Variants in CDYL observed in about 807,000 individuals in gnomAD.
CDYL encodes chromodomain Y like.
A neutral mutation model predicts 47.3 loss-of-function variants in CDYL; 8 were observed. The ratio of observed to expected loss-of-function variants is 0.17; its 90% CI spans 0.10 to 0.31. The LOEUF is 0.31. CDYL is among the 10% of genes least tolerant of loss of function. The probability of loss-of-function intolerance (pLI) is 1.00; values close to 1 mark genes in which losing one functional copy is unlikely to be tolerated. For missense variants in CDYL, 471 were observed against 701.4 expected (o/e 0.67, Z 3.71); for synonymous variants, 266 against 265.0 (o/e 1.00, Z -0.04).
chr6:4,723,763 G>T (rs1200324221), intron 2 of CDYL, among the ~76,000 whole-genome samples: 1 of 152,160 alleles, frequency 6.6e-6, no homozygotes, highest in East Asian at 1.9e-4. Context: ...CATAAGCCTG[G>T]CCCCTGCTCT....
intron 1 of CDYL, among the ~76,000 whole-genome samples, chr6:4,858,934 G>A (rs1437567347): frequency 6.6e-6 from 1 of 152,176 alleles, no homozygotes; most frequent in Non-Finnish European, 1.5e-5. Context: ...TAAACACTGG[G>A]CCAATGTTAC....
intron 4 of CDYL, among the ~76,000 whole-genome samples, chr6:4,942,718 C>G (rs1232248539): frequency 6.6e-6 from 1 of 152,192 alleles, no homozygotes; most frequent in Non-Finnish European, 1.5e-5. Flanking sequence ...GAAAAGCAGC[C>G]TACTTTTCCA....
At chr6:4,721,996 G>A (rs1757378742) in intron 2 of CDYL, among the ~76,000 whole-genome samples, 1 of 151,966 alleles carries the variant, frequency 6.6e-6, no homozygotes, top group East Asian at 1.9e-4. Context: ...CTGACTAGCT[G>A]GGATTATAGG....
intron 1 of CDYL, among the ~76,000 whole-genome samples, chr6:4,709,563 A>C (rs1032589166): frequency 6.6e-6 from 1 of 150,964 alleles, no homozygotes; most frequent in African/African-American, 2.4e-5. Flanking sequence ...CCCTTCCCCC[A>C]CCTCCCCTGC....
At chr6:4,718,188 A>G (rs1304708458) in intron 2 of CDYL, among the ~76,000 whole-genome samples, 1 of 152,130 alleles carries the variant, frequency 6.6e-6, no homozygotes, top group Non-Finnish European at 1.5e-5. Flanking sequence ...CAGATTATGT[A>G]TTATGCCATA....
intron 1 of CDYL, among the ~76,000 whole-genome samples, chr6:4,825,873 C>T (rs1264090173): frequency 2.0e-5 from 3 of 149,188 alleles, no homozygotes; most frequent in Non-Finnish European, 4.4e-5. Flanking sequence ...AAAAGAGAGT[C>T]ACCTGACACA....
chr6:4,848,644 TC>T (rs1760733751), intron 1 of CDYL, among the ~76,000 whole-genome samples: 1 of 152,246 alleles, frequency 6.6e-6, no homozygotes. Context: ...GAGGAATTCT[TC>T]CTAGGGAGTA....
chr6:4,920,153 G>A (rs986486234), intron 2 of CDYL, among the ~76,000 whole-genome samples: 8 of 152,174 alleles, frequency 5.3e-5, no homozygotes, highest in East Asian at 1.9e-4. Context: ...TAGAGTAAAC[G>A]AGAGTGGTGC....
intron 4 of CDYL, among the ~76,000 whole-genome samples, chr6:4,942,000 G>A (rs1172720720): frequency 6.6e-6 from 1 of 152,134 alleles, no homozygotes; most frequent in East Asian, 1.9e-4. Flanking sequence ...TCCATCTTGT[G>A]TCATTGACCC....
At chr6:4,943,375 CGTA>C (rs1215625025) in intron 4 of CDYL, among the ~76,000 whole-genome samples, 168 bp from the exon 5 acceptor site, 4 of 152,150 alleles carry the variant, frequency 2.6e-5, no homozygotes, top group Non-Finnish European at 5.9e-5. Context: ...CTTTACAACA[CGTA>C]GTAAATAAGT....
At chr6:4,887,784 T>G (rs1354366720) in intron 1 of CDYL, among the ~76,000 whole-genome samples, 1 of 152,122 alleles carries the variant, frequency 6.6e-6, no homozygotes, top group African/African-American at 2.4e-5. Flanking sequence ...GGGGAAGCTT[T>G]TAGTCTTTCA....
At chr6:4,749,914 G>A (rs1757961526) in intron 3 of CDYL, among the ~76,000 whole-genome samples, 1 of 152,192 alleles carries the variant, frequency 6.6e-6, no homozygotes, top group African/African-American at 2.4e-5. Context: ...GGTCCAAGTA[G>A]GGGGTTCAGA....
chr6:4,912,131 A>G (rs1464789679), intron 2 of CDYL, among the ~76,000 whole-genome samples: 1 of 152,238 alleles, frequency 6.6e-6, no homozygotes, highest in African/African-American at 2.4e-5. Context: ...ATGAAGGTAC[A>G]TGGCCATAAA....
chr6:4,777,968 C>G (rs1162337852), intron 1 of CDYL, among the ~76,000 whole-genome samples: 1 of 152,194 alleles, frequency 6.6e-6, no homozygotes, highest in Non-Finnish European at 1.5e-5. Flanking sequence ...TATACCTTAG[C>G]TGGTACTGAA....
At chr6:4,922,289 C>T (rs1385778334) in intron 2 of CDYL, among the ~76,000 whole-genome samples, 1 of 152,122 alleles carries the variant, frequency 6.6e-6, no homozygotes, top group Non-Finnish European at 1.5e-5. Context: ...GACCACCTTG[C>T]TCTGAAAAGC....
chr6:4,903,443 T>G (rs1458333023), intron 2 of CDYL, among the ~76,000 whole-genome samples: 2 of 152,246 alleles, frequency 1.3e-5, no homozygotes, highest in African/African-American at 4.8e-5. Flanking sequence ...ATGGTTCATC[T>G]TAAATGTCTT....
intron 2 of CDYL, among the ~76,000 whole-genome samples, chr6:4,913,231 G>A (rs534462016): frequency 2.0e-4 from 30 of 152,138 alleles, no homozygotes; most frequent in Middle Eastern, 3.4e-3. Flanking sequence ...CTTGAATGAG[G>A]GTAATTTTAT....
At chr6:4,922,666 C>A (rs147951347) in intron 2 of CDYL, among the ~76,000 whole-genome samples, 1 of 152,214 alleles carries the variant, frequency 6.6e-6, no homozygotes, top group African/African-American at 2.4e-5. Flanking sequence ...TGTTATTTAT[C>A]TGTGTTAATT....
intron 1 of CDYL, among the ~76,000 whole-genome samples, chr6:4,846,040 A>G (rs1425799640): frequency 1.3e-5 from 2 of 152,186 alleles, no homozygotes; most frequent in Non-Finnish European, 2.9e-5. Flanking sequence ...CATTTAGGGG[A>G]AAAATTGGCT....
Sources: gnomAD v4.1 joint callset for allele counts (sites outside exome capture counted in the v4.1 genomes callset) on GRCh38, gnomAD v4.1.1 for gene constraint, MANE v1.5 for transcripts, NCBI Gene and HGNC (gene_info 2026-07-23, HGNC 2026-07-21) for gene names.